MTHFD1L: variants seen among roughly 807,000 people sequenced by gnomAD.
The protein encoded by MTHFD1L is monofunctional C1-tetrahydrofolate synthase, mitochondrial.
In MTHFD1L, 81 loss-of-function variants were observed where a neutral mutation model predicts 119.5. The ratio of observed to expected loss-of-function variants is 0.68; its 90% CI spans 0.57 to 0.82. The LOEUF (loss-of-function observed/expected upper bound fraction) is 0.82. Ranked by LOEUF, MTHFD1L falls within the 40% of genes least tolerant of loss-of-function variation. MTHFD1L has a pLI of 0.00. For synonymous variants in MTHFD1L, 430 were observed against 475.2 expected (o/e 0.90, Z 1.24); for missense variants, 1,125 against 1,253.4 (o/e 0.90, Z 1.55).
At position 150,865,744 on chromosome 6, in the gene MTHFD1L, CG is replaced by C; in HGVS notation, c.-78del. 1 of 1,168,950 alleles carries C rather than the reference CG, an allele frequency of 8.6e-7. No individual in the cohort carries two copies. The highest frequency in any genetic ancestry group is 2.3e-5 in the South Asian group (1 of 43,416). The allele number at this position is 1,168,950 out of a possible 1,614,324, so 72.4% of individuals were successfully genotyped here. A position where few individuals can be genotyped will look rare whatever the true frequency, so the allele number is the denominator to read the frequency against. ...TTCCCGCCGCCGCCGCCGCCGCCGC[CG>C]CCTGCTCCCCTGGCACGCGCCCCGC... is the stretch of plus-strand genomic sequence containing the variant. On this transcript the variant is annotated 5_prime_UTR_variant, in exon 1 of 28. Coordinates refer to ENST00000367321, the MANE Select transcript of MTHFD1L (RefSeq NM_015440.5).
At chr6:151,099,798 C>T in intron 27 of MTHFD1L, 1 of 1,606,486 alleles carries the variant, frequency 6.2e-7, no homozygotes, top group Non-Finnish European at 8.5e-7. Flanking sequence ...TGCTGATGTG[C>T]AACAATCGTA....
intron 20 of MTHFD1L, among the ~76,000 whole-genome samples, chr6:150,994,942 T>C (rs546645783): frequency 1.3e-5 from 2 of 152,316 alleles, no homozygotes; most frequent in African/African-American, 2.4e-5. Flanking sequence ...TTAGGCATAA[T>C]GAAACCTTGT....
In MTHFD1L at chr6:150,918,863, G is replaced by T. The variant is rs148327165; in HGVS notation, c.984+195G>T. 1.6e-3 allele frequency among the ~76,000 whole-genome samples: 244 copies of T among 152,254 alleles called. 1 individual carries two copies. Among genetic ancestry groups the T allele is most frequent in the African/African-American group, 5.5e-3 (230 of 41,560 alleles). On this transcript the variant is annotated intron_variant, in intron 9 of 27. Transcript: ENST00000367321. Reference sequence around the variant, plus strand: ...TGCCTATGATCACATGGCAGTGTGGGGCAGGGACCCATCCTGGGGACTGTG... The same window carrying T: ...TGCCTATGATCACATGGCAGTGTGGTGCAGGGACCCATCCTGGGGACTGTG...
intron 7 of MTHFD1L, among the ~76,000 whole-genome samples, chr6:150,899,322 G>A (rs1265244400): frequency 6.6e-6 from 1 of 152,092 alleles, no homozygotes; most frequent in Non-Finnish European, 1.5e-5. Flanking sequence ...AATTTTAAAA[G>A]CCAATAATTT....
At chr6:150,982,100 A>AAG (rs562014750) in intron 20 of MTHFD1L, among the ~76,000 whole-genome samples, 3 of 151,164 alleles carry the variant, frequency 2.0e-5, no homozygotes, top group East Asian at 1.9e-4. Context: ...TCTTGAAAGA[A>AAG]AGAGAGAGAG....
intron 26 of MTHFD1L, among the ~76,000 whole-genome samples, chr6:151,063,758 T>C (rs1341058648): frequency 6.6e-6 from 1 of 152,188 alleles, no homozygotes; most frequent in Non-Finnish European, 1.5e-5. Context: ...AAGAATTAAA[T>C]AATTAAACAT....
chr6:150,944,731 T>C (rs906583574), intron 14 of MTHFD1L, 138 bp downstream of exon 14: 25 of 659,122 alleles, frequency 3.8e-5, no homozygotes, highest in Non-Finnish European at 5.9e-5. Context: ...TTTACATATG[T>C]CCCTGTTTCC....
chr6:151,096,474 G>A (rs748832549), intron 27 of MTHFD1L, among the ~76,000 whole-genome samples: 21 of 152,136 alleles, frequency 1.4e-4, no homozygotes, highest in Non-Finnish European at 2.9e-4. Flanking sequence ...GTGGCTCCTC[G>A]GTAATGACCC....
chr6:151,025,013 G>A (rs188649803), intron 24 of MTHFD1L, among the ~76,000 whole-genome samples: 44 of 152,170 alleles, frequency 2.9e-4, no homozygotes, highest in Admixed American at 5.2e-4. Context: ...CCGTTTTTTG[G>A]CATTGCTACA....
At chr6:150,898,805 G>A in intron 7 of MTHFD1L, 2 of 369,284 alleles carry the variant, frequency 5.4e-6, no homozygotes, top group Non-Finnish European at 1.0e-5. Flanking sequence ...TGAATTTTAT[G>A]TTTTTCCTAA....
At chr6:150,925,422 T>A (rs1235086732) in intron 10 of MTHFD1L, among the ~76,000 whole-genome samples, 1 of 152,132 alleles carries the variant, frequency 6.6e-6, no homozygotes, top group African/African-American at 2.4e-5. Flanking sequence ...ACCACTCCTG[T>A]AAGACGAGCA....
At chr6:151,021,204 CTG>C (rs1171955974) in intron 24 of MTHFD1L, among the ~76,000 whole-genome samples, 1 of 152,148 alleles carries the variant, frequency 6.6e-6, no homozygotes, top group Non-Finnish European at 1.5e-5. Flanking sequence ...CACCAAGTTG[CTG>C]TGAGACCCAA....
intron 9 of MTHFD1L, among the ~76,000 whole-genome samples, chr6:150,921,185 T>C (rs1379925187): frequency 8.6e-5 from 13 of 150,600 alleles, no homozygotes; most frequent in Admixed American, 8.6e-4. Flanking sequence ...AATGGCACGA[T>C]CTCAGCTCAC....
intron 7 of MTHFD1L, among the ~76,000 whole-genome samples, chr6:150,897,879 T>C (rs895352591): frequency 4.6e-5 from 7 of 152,200 alleles, no homozygotes; most frequent in Admixed American, 1.3e-4. Flanking sequence ...AGTTTTGCTC[T>C]TCTCGCCCAG....
At chr6:150,967,418 C>T (rs1329390601) in intron 19 of MTHFD1L, among the ~76,000 whole-genome samples, 1 of 114,722 alleles carries the variant, frequency 8.7e-6, no homozygotes, top group Admixed American at 7.8e-5. Flanking sequence ...CTTTTTTGCC[C>T]CGTTCTCCTC....
At chr6:150,992,655 T>C (rs1015383894) in intron 20 of MTHFD1L, among the ~76,000 whole-genome samples, 1 of 152,230 alleles carries the variant, frequency 6.6e-6, no homozygotes, top group African/African-American at 2.4e-5. Context: ...CTTCACTTTT[T>C]TTAGAACTAA....
intron 6 of MTHFD1L, 72 bp downstream of exon 6, chr6:150,885,806 T>A: frequency 8.1e-7 from 1 of 1,240,506 alleles, no homozygotes; most frequent in Admixed American, 2.2e-5. Flanking sequence ...TAAGGATTTG[T>A]TTGGGGAAGA....
At chr6:151,025,004 C>T (rs1006384784) in intron 24 of MTHFD1L, among the ~76,000 whole-genome samples, 21 of 152,122 alleles carry the variant, frequency 1.4e-4, no homozygotes, top group African/African-American at 4.1e-4. Flanking sequence ...CCATATATTC[C>T]GTTTTTTGGC....
intron 8 of MTHFD1L, chr6:150,912,763 G>A (rs528730441): frequency 3.2e-5 from 15 of 473,506 alleles, no homozygotes; most frequent in Non-Finnish European, 5.2e-5. Context: ...TGTTTAGTGG[G>A]AAGTGAAAAG....
Sources: gnomAD v4.1 joint callset for allele counts (sites outside exome capture counted in the v4.1 genomes callset) on GRCh38, gnomAD v4.1.1 for gene constraint, MANE v1.5 for transcripts, NCBI Gene and HGNC (gene_info 2026-07-23, HGNC 2026-07-21) for gene names.